The following HELZ variants were observed in gnomAD, a reference collection of about 807,000 sequenced individuals.
HELZ encodes ATP-dependent RNA helicase with zinc finger domain.
In HELZ, 23 loss-of-function variants were observed where a neutral mutation model predicts 218.2. The observed-to-expected ratio is 0.11, with a 90% CI of 0.08 to 0.15. The LOEUF is 0.15. HELZ is among the 10% of genes least tolerant of loss of function. The pLI is 1.00. For synonymous variants in HELZ, 814 were observed against 829.4 expected, an observed-to-expected ratio of 0.98 and a Z score of 0.32; for missense variants, 1,813 against 2,353.7, an observed-to-expected ratio of 0.77 and a Z score of 4.75.
upstream of HELZ, chr17:67,245,338 C>T (rs1310678482): frequency 2.8e-6 from 2 of 708,448 alleles, no homozygotes; most frequent in Non-Finnish European, 3.5e-6. Context: ...CCGGCGCCCG[C>T]AGCTGGCCCC....
intron 4 of HELZ, 69 bp from the exon 5 acceptor site, chr17:67,216,004 G>T: frequency 3.4e-6 from 3 of 892,932 alleles, no homozygotes; most frequent in East Asian, 2.5e-5. Context: ...TGTTGTCAAA[G>T]GGAAACTTGG....
intron 3 of HELZ, among the ~76,000 whole-genome samples, chr17:67,220,688 C>T (rs993317220): frequency 2.0e-5 from 3 of 152,054 alleles, no homozygotes; most frequent in South Asian, 4.1e-4. Context: ...ACAGGGTCTC[C>T]CTATGTTGCC....
chr17:67,172,943 G>T, intron 13 of HELZ: 1 of 497,050 alleles, frequency 2.0e-6, no homozygotes, highest in Non-Finnish European at 2.6e-6. Context: ...ATGTCTATTT[G>T]AGAATCACCA....
intron 3 of HELZ, among the ~76,000 whole-genome samples, chr17:67,235,226 G>A (rs962838172): frequency 6.6e-6 from 1 of 152,116 alleles, no homozygotes; most frequent in South Asian, 2.1e-4. Context: ...ACAACAGAAG[G>A]CCGGGCGCGG....
At chr17:67,095,478 G>C (rs569939751) in intron 31 of HELZ, among the ~76,000 whole-genome samples, 14 of 152,154 alleles carry the variant, frequency 9.2e-5, no homozygotes, top group Non-Finnish European at 2.1e-4. Flanking sequence ...GGTCCAGGAG[G>C]TCAAGGCTGC....
intron 18 of HELZ, chr17:67,150,225 G>A (rs1050010300): frequency 3.8e-5 from 11 of 286,006 alleles, no homozygotes; most frequent in Non-Finnish European, 6.4e-5. Context: ...GTAGCCTCGG[G>A]CTCAGGTGAT....
intron 3 of HELZ, among the ~76,000 whole-genome samples, chr17:67,221,819 T>C (rs1040798079): frequency 1.3e-5 from 2 of 151,878 alleles, no homozygotes; most frequent in Non-Finnish European, 2.9e-5. Context: ...AAGTTTTTTG[T>C]TGTTGTTGTT....
chr17:67,216,064 G>A, intron 4 of HELZ, 129 bp from the exon 5 acceptor site: 1 of 680,690 alleles, frequency 1.5e-6, no homozygotes, highest in Non-Finnish European at 2.7e-6. Context: ...TATTCACAGA[G>A]CAAAGCTAAC....
intron 22 of HELZ, among the ~76,000 whole-genome samples, chr17:67,137,578 A>G (rs2143950884): frequency 6.6e-6 from 1 of 152,312 alleles, no homozygotes; most frequent in South Asian, 2.1e-4. Flanking sequence ...TAAACTTAGA[A>G]AAGTCTATAC....
intron 31 of HELZ, among the ~76,000 whole-genome samples, chr17:67,105,250 A>G (rs1297204828): frequency 2.6e-5 from 4 of 152,202 alleles, no homozygotes; most frequent in Non-Finnish European, 5.9e-5. Context: ...TAGCTGTGGG[A>G]ATATAAATGT....
At chr17:67,193,201 C>T (rs1263594050) in intron 9 of HELZ, among the ~76,000 whole-genome samples, 1 of 151,796 alleles carries the variant, frequency 6.6e-6, no homozygotes, top group African/African-American at 2.4e-5. Context: ...AAAAATCAGC[C>T]AGGCTTGGTG....
intron 5 of HELZ, among the ~76,000 whole-genome samples, chr17:67,204,275 T>C (rs1413279440): frequency 1.3e-5 from 2 of 152,242 alleles, no homozygotes; most frequent in Non-Finnish European, 2.9e-5. Flanking sequence ...ATTTTTGTTA[T>C]GAATATATCT....
chr17:67,075,582 T>G lies in HELZ; in HGVS notation c.*2670A>C, dbSNP rs1356186924. On this transcript the variant is annotated 3_prime_UTR_variant, in exon 33 of 33. Transcript: ENST00000358691. ...TGTACTCAGAAGACACGCCTCATTT[T>G]GATGGAAACTTGCAATGATTCTTAC... The G allele has an allele frequency of 6.6e-6, 1 of 152,274 alleles. No homozygotes were observed. The allele number at this position is 152,274 out of a possible 1,614,324, so 9.4% of individuals were successfully genotyped here.
At chr17:67,172,901 C>T (rs1228648878) in intron 13 of HELZ, 1 of 258,786 alleles carries the variant, frequency 3.9e-6, no homozygotes, top group Non-Finnish European at 6.0e-6. Flanking sequence ...CCACTGCGCC[C>T]AGGCCTTAGG....
chr17:67,164,765 G>T lies in HELZ; in HGVS notation c.1895+1713C>A, dbSNP rs1293364355. ...AAGTAGAAAAAAGTAGAAGAAATCT[G>T]AAAGGATACTGCTGGAAAGCACAGT... On this transcript the variant is annotated intron_variant, in intron 15 of 32. Coordinates refer to ENST00000358691, the MANE Select transcript of HELZ (RefSeq NM_014877.4). Among the ~76,000 whole-genome samples the T allele has an allele frequency of 2.0e-5, 3 of 152,158 alleles. No individual in the cohort carries two copies. In the East Asian group the frequency reaches 5.8e-4, roughly 29 times the overall value.
At chr17:67,168,219 T>TCCAC (rs1402830881) in intron 13 of HELZ, among the ~76,000 whole-genome samples, 2 of 152,120 alleles carry the variant, frequency 1.3e-5, no homozygotes, top group African/African-American at 4.8e-5. Flanking sequence ...TCTCAGGTGA[T>TCCAC]CCACCCACCT....
intron 12 of HELZ, among the ~76,000 whole-genome samples, chr17:67,185,634 A>G (rs2039733256): frequency 6.6e-6 from 1 of 152,228 alleles, no homozygotes; most frequent in Admixed American, 6.5e-5. Context: ...AAAATCTTAC[A>G]TAAGAAAATG....
At chr17:67,127,237 G>A (rs2037828873) in intron 24 of HELZ, among the ~76,000 whole-genome samples, 1 of 152,084 alleles carries the variant, frequency 6.6e-6, no homozygotes, top group African/African-American at 2.4e-5. Context: ...GGCCACAGGC[G>A]GACTCGGGGG....
chr17:67,152,943 G>A (rs973484769), intron 17 of HELZ, among the ~76,000 whole-genome samples: 2 of 152,068 alleles, frequency 1.3e-5, no homozygotes, highest in Non-Finnish European at 2.9e-5. Context: ...AGGAGTAACT[G>A]TGTTAAATGC....
Sources: gnomAD v4.1 joint callset for allele counts (sites outside exome capture counted in the v4.1 genomes callset) on GRCh38, gnomAD v4.1.1 for gene constraint, MANE v1.5 for transcripts, NCBI Gene and HGNC (gene_info 2026-07-23, HGNC 2026-07-21) for gene names.